Variants in PTN observed in about 807,000 individuals in gnomAD.
PTN encodes heparin affin regulatory protein.
In PTN, 18 loss-of-function variants were observed where a neutral mutation model predicts 24.1. That is an observed-to-expected ratio of 0.75 (90% CI 0.52 to 1.11). The LOEUF (loss-of-function observed/expected upper bound fraction) is 1.11. PTN is among the 50% of genes least tolerant of loss of function. PTN has a pLI of 0.00. For synonymous variants in PTN, 78 were observed against 68.6 expected (o/e 1.14, Z -0.67); for missense variants, 163 against 198.8 (o/e 0.82, Z 1.08).
At chr7:137,336,962 G>A (rs1203696097) in intron 1 of PTN, among the ~76,000 whole-genome samples, 1 of 152,316 alleles carries the variant, frequency 6.6e-6, no homozygotes, top group South Asian at 2.1e-4. Flanking sequence ...CACGGTCACA[G>A]AGCTACTAAG....
chr7:137,236,103 A>T (rs1272087100), intron 4 of PTN: 12 of 694,958 alleles, frequency 1.7e-5, no homozygotes, highest in Admixed American at 1.6e-4. Context: ...CAAAATTAAT[A>T]AAAGTCCCCA....
chr7:137,269,772 A>T (rs927544016), intron 1 of PTN, among the ~76,000 whole-genome samples: 1 of 151,294 alleles, frequency 6.6e-6, no homozygotes, highest in African/African-American at 2.4e-5. Flanking sequence ...AGTTGGGATT[A>T]CAAATGTGCG....
chr7:137,264,567 A>C (rs1169392807), intron 1 of PTN, among the ~76,000 whole-genome samples: 1 of 152,132 alleles, frequency 6.6e-6, no homozygotes, highest in East Asian at 1.9e-4. Context: ...CTGATGTTTA[A>C]GGATGGTCTT....
intron 1 of PTN, among the ~76,000 whole-genome samples, chr7:137,320,764 T>C (rs955308327): frequency 1.3e-5 from 2 of 152,216 alleles, no homozygotes; most frequent in African/African-American, 2.4e-5. Flanking sequence ...GGCTTGTCAA[T>C]TGAATTTTAT....
At chr7:137,237,640 T>G (rs2128868470) in intron 4 of PTN, among the ~76,000 whole-genome samples, 1 of 152,288 alleles carries the variant, frequency 6.6e-6, no homozygotes, top group African/African-American at 2.4e-5. Context: ...TTCACAAATC[T>G]TACTGCATTA....
chr7:137,289,544 G>A (rs1809608436), intron 1 of PTN, among the ~76,000 whole-genome samples: 1 of 152,054 alleles, frequency 6.6e-6, no homozygotes, highest in Non-Finnish European at 1.5e-5. Context: ...AATTACATGA[G>A]GCCATTAAAT....
chr7:137,245,904 A>G (rs1464838235), intron 4 of PTN, among the ~76,000 whole-genome samples: 1 of 152,268 alleles, frequency 6.6e-6, no homozygotes. Flanking sequence ...TTGAACTTTA[A>G]GTCTTATTTT....
In PTN at chr7:137,242,410, A is replaced by G. The variant is rs188613022; in HGVS notation, c.451+8820T>C. Among the ~76,000 whole-genome samples, 733 of 152,128 alleles carry G rather than the reference A, an allele frequency of 4.8e-3. 3 individuals are homozygous for G. The highest frequency in any genetic ancestry group is 0.017 in the African/African-American group (692 of 41,488). ...CAGCAGCGTGTGGCTTGGTATGGAC[A>G]GCAGGAGGGACTGACATTCATTCCC... On this transcript the variant is annotated intron_variant, in intron 4 of 4. Transcript: ENST00000348225.
chr7:137,231,043 C>T (rs1198303702), intron 4 of PTN, among the ~76,000 whole-genome samples: 4 of 151,912 alleles, frequency 2.6e-5, no homozygotes, highest in African/African-American at 4.8e-5. Flanking sequence ...TTGCTGACCT[C>T]GCAGTGTGAG....
chr7:137,328,375 T>C (rs1024868993), intron 1 of PTN, among the ~76,000 whole-genome samples: 3 of 152,326 alleles, frequency 2.0e-5, no homozygotes, highest in South Asian at 2.1e-4. Flanking sequence ...CACAACAGGC[T>C]GCAGGGCATG....
intron 4 of PTN, among the ~76,000 whole-genome samples, chr7:137,241,588 T>C (rs1808628675): frequency 6.6e-6 from 1 of 152,166 alleles, no homozygotes. Flanking sequence ...TTTGTCTTTA[T>C]AACGATCCTA....
Position 137,271,859 on chromosome 7 carries a change from T to C in PTN, c.-1-16885A>G, listed in dbSNP as rs1381973856. ...CTCTGAAACTTATTTTTCTTAGCAA[T>C]CGACGTGGGTATAATATCTTCCCCA... On this transcript the variant is annotated intron_variant, in intron 1 of 4. Transcript: ENST00000348225. Among the ~76,000 whole-genome samples, 4 of 152,342 alleles carry C rather than the reference T, an allele frequency of 2.6e-5. No homozygotes were observed. In the East Asian group the frequency reaches 7.7e-4, roughly 29 times the overall value.
chr7:137,316,653 C>CT (rs1269964094), intron 1 of PTN, among the ~76,000 whole-genome samples: 1 of 152,166 alleles, frequency 6.6e-6, no homozygotes, highest in Non-Finnish European at 1.5e-5. Context: ...GTGGAGATTA[C>CT]TTTCCTTTCT....
chr7:137,300,976 A>G (rs2128878518), intron 1 of PTN, among the ~76,000 whole-genome samples: 1 of 146,048 alleles, frequency 6.8e-6, no homozygotes, highest in South Asian at 2.1e-4. Context: ...CTGAATTCCC[A>G]TTCATTCCCC....
chr7:137,305,433 T>C (rs1277211721), intron 1 of PTN, among the ~76,000 whole-genome samples: 1 of 151,714 alleles, frequency 6.6e-6, no homozygotes, highest in Non-Finnish European at 1.5e-5. Context: ...CAGACTATTA[T>C]CCTTTTACCA....
At chr7:137,238,160 C>G (rs947374838) in intron 4 of PTN, among the ~76,000 whole-genome samples, 3 of 152,158 alleles carry the variant, frequency 2.0e-5, no homozygotes, top group Non-Finnish European at 4.4e-5. Flanking sequence ...AGGTTTGCAT[C>G]AGTGAGAAGC....
At chr7:137,286,497 A>G (rs1809556228) in intron 1 of PTN, among the ~76,000 whole-genome samples, 1 of 152,212 alleles carries the variant, frequency 6.6e-6, no homozygotes, top group Non-Finnish European at 1.5e-5. Flanking sequence ...CCAGAGGGGT[A>G]GAATAAGAAC....
intron 1 of PTN, among the ~76,000 whole-genome samples, chr7:137,268,135 G>A (rs78086971): frequency 6.6e-6 from 1 of 151,990 alleles, no homozygotes; most frequent in African/African-American, 2.4e-5. Flanking sequence ...CCGGTGTTCA[G>A]CCACTGCGTT....
intron 1 of PTN, among the ~76,000 whole-genome samples, chr7:137,307,855 C>G (rs1809915046): frequency 1.3e-5 from 2 of 152,102 alleles, no homozygotes; most frequent in African/African-American, 2.4e-5. Context: ...CCCTTGTACT[C>G]TGTTTCCAAC....
Sources: gnomAD v4.1 joint callset for allele counts (sites outside exome capture counted in the v4.1 genomes callset) on GRCh38, gnomAD v4.1.1 for gene constraint, MANE v1.5 for transcripts, NCBI Gene and HGNC (gene_info 2026-07-23, HGNC 2026-07-21) for gene names.